Variants in TTC7A observed in about 807,000 individuals in gnomAD.
The protein encoded by TTC7A is tetratricopeptide repeat protein 7A.
In TTC7A, 110 loss-of-function variants were observed where a neutral mutation model predicts 103.7. The ratio of observed to expected loss-of-function variants is 1.06; its 90% CI spans 0.91 to 1.24. The LOEUF (loss-of-function observed/expected upper bound fraction) is 1.24, where lower values mean the gene tolerates loss of function less well. Among genes scored for constraint, TTC7A ranks in the 50% most tolerant of loss-of-function variants. The probability of loss-of-function intolerance (pLI) is 0.00; values close to 1 mark genes in which losing one functional copy is unlikely to be tolerated. For missense variants in TTC7A, 1,340 were observed against 1,116.3 expected, an observed-to-expected ratio of 1.20 and a Z score of -2.86; for synonymous variants, 521 against 467.9, an observed-to-expected ratio of 1.11 and a Z score of -1.47.
At chr2:46,948,620 C>T (rs1360164625) in intron 1 of TTC7A, among the ~76,000 whole-genome samples, 2 of 152,126 alleles carry the variant, frequency 1.3e-5, no homozygotes, top group Non-Finnish European at 2.9e-5. Context: ...TCTTCAGAGG[C>T]ATGAAGTTTT....
chr2:47,001,595 G>A (rs1020062103), intron 8 of TTC7A, among the ~76,000 whole-genome samples: 2 of 152,292 alleles, frequency 1.3e-5, no homozygotes, highest in Non-Finnish European at 2.9e-5. Context: ...GGTGGCTCAC[G>A]CCTGTAATCC....
At chr2:47,044,816 A>G (rs1484323668) in intron 15 of TTC7A, among the ~76,000 whole-genome samples, 3 of 152,190 alleles carry the variant, frequency 2.0e-5, no homozygotes, top group Non-Finnish European at 4.4e-5. Flanking sequence ...CCAAGTTGCA[A>G]TCTAAGAGAC....
intron 18 of TTC7A, among the ~76,000 whole-genome samples, chr2:47,052,956 G>A (rs1682994061): frequency 6.6e-6 from 1 of 152,192 alleles, no homozygotes; most frequent in South Asian, 2.1e-4. Context: ...TGGTAAGTCA[G>A]AGTCCGAATA....
chr2:46,936,575 T>G (rs1038079342), upstream of TTC7A, among the ~76,000 whole-genome samples: 9 of 152,164 alleles, frequency 5.9e-5, no homozygotes, highest in African/African-American at 1.9e-4. Flanking sequence ...ATTCGCAGAC[T>G]CTCATGGTTC....
chr2:46,979,872 A>G (rs1260396403), intron 5 of TTC7A, among the ~76,000 whole-genome samples: 4 of 152,176 alleles, frequency 2.6e-5, no homozygotes, highest in Non-Finnish European at 2.9e-5. Flanking sequence ...GCTGGAGGAC[A>G]TCACTGACGA....
chr2:46,982,079 T>G (rs1674523367), intron 5 of TTC7A, among the ~76,000 whole-genome samples: 1 of 152,090 alleles, frequency 6.6e-6, no homozygotes, highest in East Asian at 1.9e-4. Flanking sequence ...ATGGAAAGAA[T>G]AGGGTGGAAG....
At chr2:47,066,877 A>G (rs1230425074) in intron 19 of TTC7A, among the ~76,000 whole-genome samples, 2 of 152,204 alleles carry the variant, frequency 1.3e-5, no homozygotes, top group Admixed American at 1.3e-4. Flanking sequence ...TATATTTTTT[A>G]TAGTAATTTA....
intron 14 of TTC7A, among the ~76,000 whole-genome samples, chr2:47,025,941 TTTC>T (rs1679864159): frequency 6.6e-6 from 1 of 152,202 alleles, no homozygotes; most frequent in African/African-American, 2.4e-5. Context: ...AACCAGTGCT[TTTC>T]TTGCTAATCT....
At chr2:47,050,292 G>A in intron 17 of TTC7A, 1 of 533,718 alleles carries the variant, frequency 1.9e-6, no homozygotes, top group South Asian at 2.3e-5. Flanking sequence ...AGAAAGAGGA[G>A]CCTGGCTGAA....
At chr2:46,931,556 G>C (rs936609368) in intron 2 of TTC7A, among the ~76,000 whole-genome samples, 23 of 152,164 alleles carry the variant, frequency 1.5e-4, no homozygotes, top group Non-Finnish European at 2.9e-4. Flanking sequence ...TGGAAGCAAA[G>C]GTTGGAGTGA....
intron 3 of TTC7A, among the ~76,000 whole-genome samples, chr2:46,968,932 G>GT (rs1289602414): frequency 1.0e-5 from 1 of 98,550 alleles, no homozygotes; most frequent in African/African-American, 3.5e-5. Context: ...TTTTGTTTTT[G>GT]TGTTTTTTTT....
At chr2:47,029,104 C>T (rs1422183374) in intron 14 of TTC7A, 120 bp from the exon 15 acceptor site, 2 of 1,201,114 alleles carry the variant, frequency 1.7e-6, no homozygotes, top group Non-Finnish European at 1.2e-6. Context: ...GCCTCCCTGC[C>T]CCCAGTGCCT....
chr2:46,960,877 C>T (rs546057662), intron 3 of TTC7A, among the ~76,000 whole-genome samples: 1 of 152,350 alleles, frequency 6.6e-6, no homozygotes, highest in East Asian at 1.9e-4. Flanking sequence ...AGGACTTTCT[C>T]CTCTCTGGGC....
intron 2 of TTC7A, among the ~76,000 whole-genome samples, chr2:46,927,899 T>G (rs1375559955): frequency 1.5e-5 from 2 of 133,604 alleles, no homozygotes; most frequent in Non-Finnish European, 3.2e-5. Context: ...TTTTTTTTTT[T>G]TTTTTTTTTT....
intron 15 of TTC7A, chr2:47,035,308 G>A (rs1481097531): frequency 6.6e-6 from 1 of 152,304 alleles, no homozygotes; most frequent in Non-Finnish European, 1.5e-5. Context: ...ACTTTGCTGG[G>A]TTCATTAAAC....
chr2:47,061,353 A>G (rs1484909819), intron 19 of TTC7A, among the ~76,000 whole-genome samples: 4 of 152,170 alleles, frequency 2.6e-5, no homozygotes, highest in African/African-American at 9.7e-5. Flanking sequence ...GTGGTTACCA[A>G]AATGCTTTTC....
intron 11 of TTC7A, among the ~76,000 whole-genome samples, chr2:47,021,604 G>T (rs1679282324): frequency 6.6e-6 from 1 of 152,230 alleles, no homozygotes; most frequent in Non-Finnish European, 1.5e-5. Flanking sequence ...GAGCAGGACA[G>T]GCACAGACAC....
intron 5 of TTC7A, among the ~76,000 whole-genome samples, chr2:46,992,037 A>G (rs2104372165): frequency 6.6e-6 from 1 of 152,326 alleles, no homozygotes; most frequent in Non-Finnish European, 1.5e-5. Flanking sequence ...TGTGCATGAA[A>G]TTGAAGAAGG....
chr2:47,040,351 C>G (rs1027487013), intron 15 of TTC7A: 1 of 152,302 alleles, frequency 6.6e-6, no homozygotes, highest in African/African-American at 2.4e-5. Flanking sequence ...TTCCCCTTTC[C>G]CAGACAGAAC....
Sources: allele counts gnomAD v4.1 joint callset (sites outside exome capture counted in the v4.1 genomes callset), GRCh38; gene constraint gnomAD v4.1.1; transcripts MANE v1.5; gene names NCBI Gene and HGNC (gene_info 2026-07-23, HGNC 2026-07-21).